STOX2: variants seen among roughly 807,000 people sequenced by gnomAD.
STOX2 encodes the protein storkhead box 2.
STOX2 carries 28 observed loss-of-function variants against 60.9 expected under a neutral mutation model. That is an observed-to-expected ratio of 0.46 (90% CI 0.34 to 0.63). The LOEUF is 0.63. Among genes scored for constraint, STOX2 ranks in the 30% least tolerant of loss-of-function variants. The pLI is 0.01. For synonymous variants in STOX2, 472 were observed against 463.9 expected, an observed-to-expected ratio of 1.02 and a Z score of -0.22; for missense variants, 1,024 against 1,187.7, an observed-to-expected ratio of 0.86 and a Z score of 2.03.
In STOX2 at chr4:183,978,215, G is replaced by A. The variant is rs191234794; in HGVS notation, c.167-23110G>A. On this transcript the variant is annotated intron_variant, in intron 1 of 3. Transcript: ENST00000308497. ...GAGTTTTTCCTAGATTTTCTTCTAG[G>A]ATTTTAATAGTTTCAGGTCTTACAT... Among the ~76,000 whole-genome samples, 230 of 152,130 alleles carry A rather than the reference G, an allele frequency of 1.5e-3. 1 individual carries two copies. Among genetic ancestry groups the A allele is most frequent in the African/African-American group, 5.4e-3 (225 of 41,504 alleles).
chr4:183,885,728 T>TTTG (rs1323718342), intron 1 of STOX2, among the ~76,000 whole-genome samples: 1 of 152,258 alleles, frequency 6.6e-6, no homozygotes, highest in Non-Finnish European at 1.5e-5. Flanking sequence ...ATGCTCTTAC[T>TTTG]GTGGGCTTTG....
chr4:183,927,367 G>A (rs1156962449), intron 1 of STOX2, among the ~76,000 whole-genome samples: 1 of 152,172 alleles, frequency 6.6e-6, no homozygotes, highest in Non-Finnish European at 1.5e-5. Flanking sequence ...AAAACCTTGA[G>A]GACAGCAATC....
chr4:183,986,690 C>T (rs1732855964), intron 1 of STOX2, among the ~76,000 whole-genome samples: 1 of 152,208 alleles, frequency 6.6e-6, no homozygotes, highest in Non-Finnish European at 1.5e-5. Context: ...GCGGGTTATA[C>T]GTTTTGTAGC....
chr4:183,872,264 C>T (rs959084346), intron 1 of STOX2, among the ~76,000 whole-genome samples: 29 of 152,064 alleles, frequency 1.9e-4, no homozygotes, highest in African/African-American at 6.8e-4. Flanking sequence ...CCATGTTGGC[C>T]GGGCTAGTCT....
At chr4:183,990,578 A>ATTTTTTTTTTTTTT (rs57369052) in intron 1 of STOX2, among the ~76,000 whole-genome samples, 3 of 82,478 alleles carry the variant, frequency 3.6e-5, no homozygotes, top group African/African-American at 6.2e-5. Flanking sequence ...AAAAAGCAGG[A>ATTTTTTTTTTTTTT]TTTTTTTTTT....
At chr4:183,851,744 G>GGAAAGGATGAGA (rs1740145549) in intron 1 of STOX2, among the ~76,000 whole-genome samples, 1 of 53,514 alleles carries the variant, frequency 1.9e-5, no homozygotes, top group African/African-American at 8.0e-5. Context: ...AAAGGATGAG[G>GGAAAGGATGAGA]GAAAGGATGA....
upstream of STOX2, among the ~76,000 whole-genome samples, chr4:183,904,401 G>A (rs1309277215): frequency 1.3e-5 from 2 of 152,136 alleles, no homozygotes; most frequent in African/African-American, 4.8e-5. Context: ...TAATCTTTCT[G>A]TTCTTAGCAG....
At chr4:183,987,766 A>G (rs1732910963) in intron 1 of STOX2, 1 of 152,236 alleles carries the variant, frequency 6.6e-6, no homozygotes, top group Non-Finnish European at 1.5e-5. Flanking sequence ...AAAGACTTGC[A>G]CGGCAACTGG....
At position 183,929,007 on chromosome 4, in the gene STOX2, C is replaced by T. The variant is rs187995598; in HGVS notation, c.166+22051C>T. ...ATACTTGTAACACAAGCCCCGAAAG[C>T]GTAACTCCTGTAACCGTCTCGAGAA... is the stretch of plus-strand genomic sequence containing the variant. On this transcript the variant is annotated intron_variant, in intron 1 of 3. Transcript: ENST00000308497. 1.5e-4 allele frequency among the ~76,000 whole-genome samples: 23 copies of T among 152,280 alleles called. No homozygotes were observed. The East Asian group carries it at 2.7e-3, about 18-fold the overall frequency.
intron 1 of STOX2, among the ~76,000 whole-genome samples, chr4:183,892,301 C>T (rs568513448): frequency 5.9e-5 from 9 of 152,152 alleles, no homozygotes; most frequent in Non-Finnish European, 8.8e-5. Context: ...TTTTTTGAGA[C>T]GGAGTCTCGC....
At position 183,836,151 on chromosome 4, in the gene STOX2, G is replaced by A. The variant is rs1211712523; in HGVS notation, c.364+38096G>A. On this transcript the variant is annotated intron_variant, in intron 1 of 2. Coordinates refer to the STOX2 transcript ENST00000513034. This position sits in a 1 kb window ranked among gnomAD's most constrained non-coding sequence, Gnocchi z 4.1. ...ACGTCTTTTCATGTGCTTTTTGGCTGTTTATCATAGCCTTTGGAGAAATGT... is the reference window on the plus strand; with the variant it reads ...ACGTCTTTTCATGTGCTTTTTGGCTATTTATCATAGCCTTTGGAGAAATGT... 6.6e-6 allele frequency among the ~76,000 whole-genome samples: 1 copy of A among 152,112 alleles called. No individual in the cohort carries two copies. Among genetic ancestry groups the A allele is most frequent in the Admixed American group, 6.5e-5 (1 of 15,268 alleles).
chr4:184,020,801 A>G lies in STOX2; in HGVS notation c.*3517A>G, dbSNP rs1734557132. On this transcript the variant is annotated 3_prime_UTR_variant, in exon 4 of 4. Coordinates refer to ENST00000308497, the MANE Select transcript of STOX2 (RefSeq NM_020225.3). Reference sequence around the variant, plus strand: ...GTGAAGGTCAGGTTCAGGAAGCATCAATTCACAGTTAATCCGGAGTAACAA... The same window carrying G: ...GTGAAGGTCAGGTTCAGGAAGCATCGATTCACAGTTAATCCGGAGTAACAA... 1 of 152,218 alleles carries G rather than the reference A, an allele frequency of 6.6e-6. No homozygotes were observed. The highest frequency in any genetic ancestry group is 1.5e-5 in the Non-Finnish European group (1 of 68,036). The allele number at this position is 152,218 out of a possible 1,614,324, so 9.4% of individuals were successfully genotyped here.
At chr4:183,932,208 A>G (rs2111116441) in intron 1 of STOX2, among the ~76,000 whole-genome samples, 1 of 152,156 alleles carries the variant, frequency 6.6e-6, no homozygotes, top group South Asian at 2.1e-4. Context: ...GAGGAGGAGC[A>G]GCTATGGGGT....
chr4:183,929,811 A>C (rs1742361679), intron 1 of STOX2, among the ~76,000 whole-genome samples: 4 of 152,202 alleles, frequency 2.6e-5, no homozygotes, highest in Admixed American at 2.0e-4. Context: ...TGCTCTGTGA[A>C]TAATTTTGTA....
chr4:183,835,993 G>T (rs933928417), intron 1 of STOX2, among the ~76,000 whole-genome samples: 2 of 152,050 alleles, frequency 1.3e-5, no homozygotes, highest in Non-Finnish European at 2.9e-5. Context: ...ATTGTGTAAG[G>T]GTTCTGATTC....
In STOX2 at chr4:183,798,678, G is replaced by A. The variant is rs1378017971; in HGVS notation, c.364+623G>A. Reference sequence around the variant, plus strand: ...AAGTCGTTTTGTGTGTCTGAGGGAAGGAAGAGACACAAAGAGGCCGGAGGA... The same window carrying A: ...AAGTCGTTTTGTGTGTCTGAGGGAAAGAAGAGACACAAAGAGGCCGGAGGA... On this transcript the variant is annotated intron_variant, in intron 1 of 2. Coordinates refer to the STOX2 transcript ENST00000513034. 3 of 985,276 alleles carry A rather than the reference G, an allele frequency of 3.0e-6. No individual in the cohort carries two copies. The African/African-American group carries it at 5.2e-5, about 17-fold the overall frequency. The allele number at this position is 985,276 out of a possible 1,614,324, so 61.0% of individuals were successfully genotyped here.
chr4:183,926,090 CG>C (rs1267355635), intron 1 of STOX2, among the ~76,000 whole-genome samples: 1 of 151,728 alleles, frequency 6.6e-6, no homozygotes, highest in Non-Finnish European at 1.5e-5. Flanking sequence ...GAGTCTTTTT[CG>C]TTTTAAAAAA....
intron 1 of STOX2, among the ~76,000 whole-genome samples, chr4:183,847,306 T>C (rs1014785379): frequency 6.6e-6 from 1 of 152,208 alleles, no homozygotes; most frequent in Admixed American, 6.5e-5. Context: ...AAAGTCCTTA[T>C]ATGGAAAAGT....
chr4:183,962,345 T>C (rs368190985), intron 1 of STOX2, among the ~76,000 whole-genome samples: 182 of 152,310 alleles, frequency 1.2e-3, no homozygotes, highest in African/African-American at 3.8e-3. Flanking sequence ...GTGGCAAAAT[T>C]CTAATCTTTT....
Sources: gnomAD v4.1 joint callset for allele counts (sites outside exome capture counted in the v4.1 genomes callset) on GRCh38, gnomAD v4.1.1 for gene constraint, Gnocchi (gnomAD v3.1) non-coding constraint, MANE v1.5 for transcripts, NCBI Gene and HGNC (gene_info 2026-07-23, HGNC 2026-07-21) for gene names.